MPDZ: variants seen among roughly 807,000 people sequenced by gnomAD.
MPDZ encodes multiple PDZ domain protein.
In MPDZ, 234 loss-of-function variants were observed where a neutral mutation model predicts 239.1. That is an observed-to-expected ratio of 0.98 (90% CI 0.88 to 1.09). The LOEUF is 1.09. Among genes scored for constraint, MPDZ ranks in the 50% least tolerant of loss-of-function variants. MPDZ has a pLI of 0.00. For synonymous variants in MPDZ, 1,048 were observed against 881.3 expected, an observed-to-expected ratio of 1.19 and a Z score of -3.35; for missense variants, 3,175 against 2,510.0, an observed-to-expected ratio of 1.26 and a Z score of -5.66.
intron 24 of MPDZ, among the ~76,000 whole-genome samples, chr9:13,157,475 T>C (rs1949961574): frequency 6.6e-6 from 1 of 152,172 alleles, no homozygotes; most frequent in Admixed American, 6.5e-5. Flanking sequence ...TTACTCAGCA[T>C]AAACACATCA....
At chr9:13,168,048 C>A (rs897552708) in intron 22 of MPDZ, among the ~76,000 whole-genome samples, 4 of 152,060 alleles carry the variant, frequency 2.6e-5, no homozygotes, top group African/African-American at 9.7e-5. Context: ...AAACATCTTT[C>A]CAAGATCCTA....
At chr9:13,111,681 T>C (rs1456410910) in intron 43 of MPDZ, among the ~76,000 whole-genome samples, 1 of 152,154 alleles carries the variant, frequency 6.6e-6, no homozygotes, top group Non-Finnish European at 1.5e-5. Context: ...TAAATCGGCG[T>C]TTAAACCAAT....
chr9:13,209,600 G>A (rs868570570), intron 10 of MPDZ, among the ~76,000 whole-genome samples: 2 of 152,166 alleles, frequency 1.3e-5, no homozygotes, highest in African/African-American at 4.8e-5. Context: ...TCCAAAAGCA[G>A]GTTGCACACT....
In MPDZ at chr9:13,279,629, C is replaced by T. The variant is rs1303772934; in HGVS notation, c.-287G>A. On this transcript the variant is annotated 5_prime_UTR_variant, in exon 1 of 47. Transcript: ENST00000319217. ...GCCTAGCGCTCCGCCGCGCCCCCTC[C>T]CCCAGCGCGCGCCGCACTTGCGCCG... is the stretch of plus-strand genomic sequence containing the variant. 5 of 150,178 alleles carry T rather than the reference C, an allele frequency of 3.3e-5. No individual in the cohort carries two copies. The highest frequency in any genetic ancestry group is 1.2e-4 in the African/African-American group (5 of 41,378). The allele number at this position is 150,178 out of a possible 1,614,324, so 9.3% of individuals were successfully genotyped here.
In MPDZ at chr9:13,252,200, A is replaced by G. The variant is rs115966675; in HGVS notation, c.-57-1828T>C. 4.6e-3 allele frequency among the ~76,000 whole-genome samples: 698 copies of G among 152,282 alleles called. 3 individuals carry two copies. The highest frequency in any genetic ancestry group is 0.016 in the African/African-American group (679 of 41,544). The stretch of plus-strand genomic sequence containing the variant: ...TTTATTTACTCTTATTTACAAGGAG[A>G]ATATGATACTCCTTCACAAAACAGC... On this transcript the variant is annotated intron_variant, in intron 1 of 46. Transcript: ENST00000319217.
intron 1 of MPDZ, among the ~76,000 whole-genome samples, chr9:13,255,601 CT>C (rs1167398343): frequency 6.6e-6 from 1 of 152,200 alleles, no homozygotes; most frequent in Non-Finnish European, 1.5e-5. Flanking sequence ...CAACATTCAT[CT>C]CTCTTGATGA....
intron 5 of MPDZ, among the ~76,000 whole-genome samples, 154 bp from the exon 6 acceptor site, chr9:13,222,600 G>A (rs961148660): frequency 2.6e-5 from 4 of 151,814 alleles, no homozygotes; most frequent in African/African-American, 4.8e-5. Context: ...AAAAATACAC[G>A]CCTTGGCTGC....
intron 32 of MPDZ, among the ~76,000 whole-genome samples, chr9:13,132,301 C>T (rs1012883971): frequency 7.9e-5 from 12 of 152,266 alleles, no homozygotes; most frequent in Non-Finnish European, 1.5e-4. Context: ...TTACAGAAGA[C>T]GAAAGTGAGG....
Position 13,205,225 on chromosome 9 carries a change from C to T in MPDZ, c.1475-118G>A, listed in dbSNP as rs867193266. On this transcript the variant is annotated intron_variant, in intron 11 of 46. Coordinates refer to ENST00000319217, the MANE Select transcript of MPDZ (RefSeq NM_001378778.1). The stretch of plus-strand genomic sequence containing the variant: ...TGAGAATCTGTTTTTCAGAGATAAA[C>T]TTCTCAATAACTATATGTACTTAAA... The T allele has an allele frequency of 1.7e-4, 92 of 526,630 alleles. 2 individuals are homozygous for T. The South Asian group carries it at 3.2e-3, about 19-fold the overall frequency. The allele number at this position is 526,630 out of a possible 1,614,324, so 32.6% of individuals were successfully genotyped here.
chr9:13,278,795 C>T (rs908920606), intron 1 of MPDZ, among the ~76,000 whole-genome samples: 12 of 152,006 alleles, frequency 7.9e-5, no homozygotes, highest in African/African-American at 2.9e-4. Flanking sequence ...GCGGCTAAGG[C>T]GAGAACGCAG....
intron 10 of MPDZ, among the ~76,000 whole-genome samples, chr9:13,216,274 T>G (rs1048339624): frequency 6.6e-6 from 1 of 151,472 alleles, no homozygotes; most frequent in Non-Finnish European, 1.5e-5. Context: ...CAATGATAGC[T>G]TGAACTAATT....
chr9:13,109,154 T>A, intron 45 of MPDZ, 95 bp from the exon 46 acceptor site: 1 of 1,008,502 alleles, frequency 9.9e-7, no homozygotes, highest in African/African-American at 1.7e-5. Flanking sequence ...AGAGCTAGCA[T>A]AATTCTCTTT....
At chr9:13,244,345 G>C (rs1966091329) in intron 3 of MPDZ, among the ~76,000 whole-genome samples, 1 of 152,158 alleles carries the variant, frequency 6.6e-6, no homozygotes, top group African/African-American at 2.4e-5. Context: ...AAGCCCTGTA[G>C]TGATTAGCAG....
intron 24 of MPDZ, among the ~76,000 whole-genome samples, chr9:13,152,533 CCAT>C (rs1949313290): frequency 6.6e-6 from 1 of 152,028 alleles, no homozygotes; most frequent in East Asian, 1.9e-4. Context: ...TCACCTTCCA[CCAT>C]GATTGTGAGG....
At position 13,183,634 on chromosome 9, in the gene MPDZ, T is replaced by C. The variant is rs764105043; in HGVS notation, c.2482-49A>G. 4 of 1,573,364 alleles carry C rather than the reference T, an allele frequency of 2.5e-6. No homozygotes were observed. The South Asian group carries it at 3.4e-5, about 13-fold the overall frequency. ...GTTGGGAATTCTGTTCTATTACATA[T>C]ATGACAAACAATCTCCACTTGAGAC... On this transcript the variant is annotated intron_variant, in intron 18 of 46. Coordinates refer to ENST00000319217, the MANE Select transcript of MPDZ (RefSeq NM_001378778.1).
intron 12 of MPDZ, among the ~76,000 whole-genome samples, chr9:13,200,688 T>C (rs567390370): frequency 2.2e-4 from 33 of 152,210 alleles, no homozygotes; most frequent in African/African-American, 7.7e-4. Context: ...TTCAGAAGCA[T>C]AGTATTAAAT....
At chr9:13,258,768 T>C (rs1228377345) in intron 1 of MPDZ, among the ~76,000 whole-genome samples, 1 of 152,210 alleles carries the variant, frequency 6.6e-6, no homozygotes, top group Non-Finnish European at 1.5e-5. Flanking sequence ...ATACAATTTT[T>C]ATTTTCAAGT....
At chr9:13,190,410 A>C in intron 15 of MPDZ, 111 bp from the exon 16 acceptor site, 1 of 920,796 alleles carries the variant, frequency 1.1e-6, no homozygotes, top group Non-Finnish European at 1.5e-6. Flanking sequence ...AAACATCCTC[A>C]AACAAGAGTA....
At chr9:13,116,489 T>G (rs751626793) in intron 39 of MPDZ, among the ~76,000 whole-genome samples, 3 of 152,184 alleles carry the variant, frequency 2.0e-5, no homozygotes, top group Non-Finnish European at 4.4e-5. Context: ...TCTGAAGATG[T>G]TGATCATGAA....
Sources: allele counts gnomAD v4.1 joint callset (sites outside exome capture counted in the v4.1 genomes callset), GRCh38; gene constraint gnomAD v4.1.1; transcripts MANE v1.5; gene names NCBI Gene and HGNC (gene_info 2026-07-23, HGNC 2026-07-21).